Variants in SPATA31H1 observed in about 807,000 individuals in gnomAD.
The protein encoded by SPATA31H1 is spermatogenesis-associated protein 31H1.
At chr2:27,538,838 A>G in the SPATA31H1 span, among the ~76,000 whole-genome samples, 3 of 152,162 alleles carry the variant, frequency 2.0e-5, no homozygotes, top group African/African-American at 7.2e-5. Flanking sequence ...CTCAAAAAAA[A>G]AAAGGAAAAG....
At chr2:27,542,729 A>G in the SPATA31H1 span, among the ~76,000 whole-genome samples, 4 of 151,904 alleles carry the variant, frequency 2.6e-5, no homozygotes, top group Non-Finnish European at 5.9e-5. Flanking sequence ...CTCTTGAACT[A>G]TTTACAGTCT....
chr2:27,543,571 A>G, the SPATA31H1 span, among the ~76,000 whole-genome samples: 4 of 150,876 alleles, frequency 2.7e-5, no homozygotes, highest in Non-Finnish European at 4.4e-5. Context: ...ATAGTCCAGT[A>G]TCATTTTTCC....
At chr2:27,555,926 G>C in the SPATA31H1 span, among the ~76,000 whole-genome samples, 1 of 151,844 alleles carries the variant, frequency 6.6e-6, no homozygotes, top group South Asian at 2.1e-4. Flanking sequence ...GAGGTCAAGA[G>C]ATCGAGACCA....
At chr2:27,564,876 G>GA in the SPATA31H1 span, among the ~76,000 whole-genome samples, 2 of 152,056 alleles carry the variant, frequency 1.3e-5, no homozygotes, top group Non-Finnish European at 2.9e-5. Flanking sequence ...GGAGCACTTT[G>GA]AAAAAAATCC....
At chr2:27,565,412 C>A in the SPATA31H1 span, 1 of 717,284 alleles carries the variant, frequency 1.4e-6, no homozygotes, top group Middle Eastern at 2.3e-4. Flanking sequence ...CTCTTCAGCT[C>A]AAGGTTAATA....
the SPATA31H1 span, chr2:27,568,412 A>C: frequency 2.5e-6 from 1 of 399,068 alleles, no homozygotes; most frequent in Non-Finnish European, 4.4e-6. Flanking sequence ...TAATATGTCA[A>C]GACACAAAAT....
chr2:27,577,183 C>G, the SPATA31H1 span: 1 of 1,613,942 alleles, frequency 6.2e-7, no homozygotes, highest in Non-Finnish European at 8.5e-7. The surrounding 1 kb of genome is among the most constrained non-coding windows in gnomAD (Gnocchi z 4.5). Flanking sequence ...CTTCAGGTAC[C>G]AAAATTTGTT....
chr2:27,538,006 AAG>A, the SPATA31H1 span, among the ~76,000 whole-genome samples: 2 of 152,250 alleles, frequency 1.3e-5, no homozygotes, highest in South Asian at 4.1e-4. Context: ...CCTTTTAAAA[AAG>A]AGGGAATACA....
At chr2:27,582,602 G>A in the SPATA31H1 span, 5 of 1,422,286 alleles carry the variant, frequency 3.5e-6, no homozygotes, top group Non-Finnish European at 4.8e-6. Flanking sequence ...TTCCTGCTCA[G>A]CCACTGCCTC....
chr2:27,567,523 C>G, the SPATA31H1 span: 2 of 406,458 alleles, frequency 4.9e-6, no homozygotes, highest in Non-Finnish European at 8.7e-6. Context: ...GGATCTGGAT[C>G]AAATAGCACA....
chr2:27,575,253 C>T, the SPATA31H1 span: 1 of 398,536 alleles, frequency 2.5e-6, no homozygotes, highest in Non-Finnish European at 4.4e-6. This position sits in a 1 kb window ranked among gnomAD's most constrained non-coding sequence, Gnocchi z 4.1. Flanking sequence ...TAGTGTGGCA[C>T]CTTCTGAGTT....
the SPATA31H1 span, chr2:27,580,459 G>C: frequency 1.2e-5 from 20 of 1,613,902 alleles, no homozygotes; most frequent in Non-Finnish European, 1.7e-5. Context: ...ATCACCAAGC[G>C]ACTTAGAAAA....
the SPATA31H1 span, among the ~76,000 whole-genome samples, chr2:27,559,295 T>C: frequency 1.3e-5 from 2 of 152,244 alleles, no homozygotes; most frequent in Non-Finnish European, 2.9e-5. Flanking sequence ...TTCAGGTTTA[T>C]TCTTACTCCT....
At chr2:27,571,916 G>A in the SPATA31H1 span, 1 of 398,342 alleles carries the variant, frequency 2.5e-6, no homozygotes, top group South Asian at 1.3e-4. Context: ...AGTTTCAAGG[G>A]ATGGCACCTG....
chr2:27,579,098 A>G, the SPATA31H1 span: 3 of 1,614,112 alleles, frequency 1.9e-6, no homozygotes, highest in African/African-American at 2.7e-5. Flanking sequence ...AGAGACATCT[A>G]CCACAAAGCT....
At chr2:27,579,784 A>G in the SPATA31H1 span, 2 of 1,614,210 alleles carry the variant, frequency 1.2e-6, no homozygotes, top group Non-Finnish European at 1.7e-6. Flanking sequence ...AAGCCAAATT[A>G]TCTTTCCCAG....
the SPATA31H1 span, chr2:27,566,007 G>A: frequency 1.4e-6 from 1 of 717,282 alleles, no homozygotes; most frequent in South Asian, 1.5e-5. Context: ...ATCATCAATA[G>A]TCATGAGGCT....
the SPATA31H1 span, chr2:27,571,397 A>T: frequency 2.5e-6 from 1 of 398,440 alleles, no homozygotes; most frequent in Non-Finnish European, 4.4e-6. Flanking sequence ...CGATAACCTT[A>T]GGGTCACAGA....
chr2:27,566,469 G>A, the SPATA31H1 span: 1 of 677,858 alleles, frequency 1.5e-6, no homozygotes, highest in East Asian at 2.7e-5. Context: ...GAGGGAGGGA[G>A]AGAGGGAGAA....
Sources: gnomAD v4.1 joint callset for allele counts (sites outside exome capture counted in the v4.1 genomes callset) on GRCh38, gnomAD v4.1.1 for gene constraint, Gnocchi (gnomAD v3.1) non-coding constraint, MANE v1.5 for transcripts, NCBI Gene and HGNC (gene_info 2026-07-23, HGNC 2026-07-21) for gene names.